The following EML1 variants were observed in gnomAD, a reference collection of about 807,000 sequenced individuals.
EML1 encodes the protein echinoderm microtubule-associated protein-like 1.
EML1 carries 27 observed loss-of-function variants against 110.4 expected under a neutral mutation model. That is an observed-to-expected ratio of 0.24 (90% CI 0.18 to 0.34). The LOEUF (loss-of-function observed/expected upper bound fraction) is 0.34, where lower values mean the gene tolerates loss of function less well. Among genes scored for constraint, EML1 ranks in the 10% least tolerant of loss-of-function variants. The pLI, the probability that EML1 is intolerant of heterozygous loss-of-function variation, is 1.00. For synonymous variants in EML1, 344 were observed against 385.8 expected, an observed-to-expected ratio of 0.89 and a Z score of 1.27; for missense variants, 741 against 1,030.9, an observed-to-expected ratio of 0.72 and a Z score of 3.85.
chr14:99,915,509 G>T (rs895385271), intron 15 of EML1: 8 of 151,350 alleles, frequency 5.3e-5, no homozygotes, highest in African/African-American at 1.9e-4. Context: ...TTCCCCACGT[G>T]TATTACTTGA....
chr14:99,743,726 C>T (rs1219626450), intron 1 of EML1, among the ~76,000 whole-genome samples: 2 of 152,156 alleles, frequency 1.3e-5, no homozygotes, highest in Admixed American at 6.5e-5. Flanking sequence ...ACGCCAGTGT[C>T]GGAAGTACCC....
At chr14:99,843,921 A>G (rs983432254) in intron 1 of EML1, among the ~76,000 whole-genome samples, 1 of 152,202 alleles carries the variant, frequency 6.6e-6, no homozygotes, top group African/African-American at 2.4e-5. Context: ...GGGAAGACAG[A>G]TATAAAATAC....
In EML1 at chr14:99,907,616, C is replaced by T. The variant is rs766315494; in HGVS notation, c.1009-22C>T. ...CACTTTATTCTCAGATATAGTCTTCCTGTGAATAACTTTCTTTTCAGAATG... is the reference window on the plus strand; with the variant it reads ...CACTTTATTCTCAGATATAGTCTTCTTGTGAATAACTTTCTTTTCAGAATG... On this transcript the variant is annotated intron_variant, in intron 9 of 21. Transcript: ENST00000262233. The T allele has an allele frequency of 3.1e-6, 5 of 1,605,318 alleles. No individual in the cohort carries two copies. The Admixed American group carries it at 6.7e-5, about 22-fold the overall frequency.
chr14:99,759,464 G>A (rs773277834), intron 1 of EML1, among the ~76,000 whole-genome samples: 3 of 152,228 alleles, frequency 2.0e-5, no homozygotes, highest in Non-Finnish European at 4.4e-5. Flanking sequence ...GCCCCGGGCC[G>A]GGAGGTCCCC....
upstream of EML1, among the ~76,000 whole-genome samples, chr14:99,788,970 T>C (rs1285083396): frequency 1.3e-5 from 2 of 152,178 alleles, no homozygotes; most frequent in African/African-American, 4.8e-5. Flanking sequence ...TGATACATGC[T>C]GATAGCATGT....
chr14:99,875,742 T>C (rs1029317433), intron 3 of EML1, among the ~76,000 whole-genome samples: 16 of 152,204 alleles, frequency 1.1e-4, no homozygotes, highest in Non-Finnish European at 2.2e-4. Context: ...TCAAATTAGC[T>C]TGGTGTTTGT....
intron 1 of EML1, among the ~76,000 whole-genome samples, chr14:99,756,141 G>A (rs575853321): frequency 3.5e-4 from 53 of 152,352 alleles, no homozygotes; most frequent in African/African-American, 1.3e-3. Context: ...GTGCCCAGAA[G>A]CCAGCTCTCC....
rs368044152 is a variant in EML1, at chr14:99,796,936, T to TGTGTGA, written c.67+3394_67+3395insTGTGAG. Among the ~76,000 whole-genome samples, 67 of 150,138 alleles carry TGTGTGA rather than the reference T, an allele frequency of 4.5e-4. 1 individual carries two copies. In the South Asian group the frequency reaches 6.6e-3, roughly 15 times the overall value. On this transcript the variant is annotated intron_variant, in intron 1 of 21. Coordinates refer to ENST00000262233, the MANE Select transcript of EML1 (RefSeq NM_004434.3). Reference sequence around the variant, plus strand: ...GTGTGTGTGTGTGTGTGTGTGTGTGTGAGAGAGTAATAGCTTTATTGAAAT... The same window carrying TGTGTGA: ...GTGTGTGTGTGTGTGTGTGTGTGTGTGTGTGAGAGAGAGTAATAGCTTTATTGAAAT...
chr14:99,901,337 A>G (rs1029029590), intron 9 of EML1, among the ~76,000 whole-genome samples: 1 of 152,074 alleles, frequency 6.6e-6, no homozygotes, highest in South Asian at 2.1e-4. Flanking sequence ...TCTGGCCTTG[A>G]ATTTCACCTG....
chr14:99,747,387 A>G (rs2057123780), intron 1 of EML1, among the ~76,000 whole-genome samples: 1 of 151,722 alleles, frequency 6.6e-6, no homozygotes, highest in Non-Finnish European at 1.5e-5. Flanking sequence ...CCAGATGTAC[A>G]GGGCACATTT....
chr14:99,866,100 C>T (rs1016979557), intron 3 of EML1, among the ~76,000 whole-genome samples: 3 of 152,192 alleles, frequency 2.0e-5, no homozygotes, highest in African/African-American at 7.2e-5. Context: ...ACAAAGAGCA[C>T]AGTTTGCTCT....
chr14:99,858,797 A>G (rs898014974), intron 2 of EML1, among the ~76,000 whole-genome samples: 3 of 152,186 alleles, frequency 2.0e-5, no homozygotes, highest in Admixed American at 1.3e-4. Context: ...TTCCAGTTCT[A>G]AATACAGACA....
chr14:99,853,596 G>C (rs2058850031), intron 2 of EML1, among the ~76,000 whole-genome samples: 1 of 152,144 alleles, frequency 6.6e-6, no homozygotes, highest in Admixed American at 6.5e-5. Context: ...GTTTTAAGTG[G>C]CCACACAATT....
chr14:99,934,809 C>T (rs114051439), intron 17 of EML1, among the ~76,000 whole-genome samples: 4 of 152,222 alleles, frequency 2.6e-5, no homozygotes, highest in Non-Finnish European at 4.4e-5. Flanking sequence ...TCCTGGGCAT[C>T]GTGAGTCCCC....
intron 3 of EML1, among the ~76,000 whole-genome samples, chr14:99,870,833 G>A (rs2059185532): frequency 6.6e-6 from 1 of 152,192 alleles, no homozygotes; most frequent in African/African-American, 2.4e-5. Context: ...CATTTACAGT[G>A]TACCTAGTCA....
chr14:99,871,977 T>C (rs2059213389), intron 3 of EML1, among the ~76,000 whole-genome samples: 1 of 152,210 alleles, frequency 6.6e-6, no homozygotes, highest in Non-Finnish European at 1.5e-5. Flanking sequence ...CCCGCACAGA[T>C]TTCCAGGTCA....
intron 4 of EML1, among the ~76,000 whole-genome samples, chr14:99,887,479 C>G (rs1044459475): frequency 1.3e-5 from 2 of 152,122 alleles, no homozygotes; most frequent in Admixed American, 6.5e-5. Flanking sequence ...ATGAATGGAG[C>G]CTCATTCTGC....
At chr14:99,803,050 T>A (rs1487950465) in intron 1 of EML1, among the ~76,000 whole-genome samples, 1 of 152,138 alleles carries the variant, frequency 6.6e-6, no homozygotes, top group African/African-American at 2.4e-5. Flanking sequence ...CAGAGGCCTG[T>A]CACGGAGGTT....
intron 14 of EML1, 50 bp from the exon 15 acceptor site, chr14:99,914,516 T>C (rs752818176): frequency 6.4e-7 from 1 of 1,558,642 alleles, no homozygotes; most frequent in East Asian, 2.3e-5. Context: ...GGCTCCTGAG[T>C]GCGAACTGTA....
Sources: gnomAD v4.1 joint callset for allele counts (sites outside exome capture counted in the v4.1 genomes callset) on GRCh38, gnomAD v4.1.1 for gene constraint, MANE v1.5 for transcripts, NCBI Gene and HGNC (gene_info 2026-07-23, HGNC 2026-07-21) for gene names.